Variants in ATP9B observed in about 807,000 individuals in gnomAD.
ATP9B encodes the protein probable phospholipid-transporting ATPase IIB.
A neutral mutation model predicts 146.1 loss-of-function variants in ATP9B; 110 were observed. That is an observed-to-expected ratio of 0.75 (90% CI 0.65 to 0.88). The LOEUF (loss-of-function observed/expected upper bound fraction) is 0.88, where lower values mean the gene tolerates loss of function less well. ATP9B is among the 40% of genes least tolerant of loss of function. ATP9B has a pLI of 0.00. For missense variants in ATP9B, 1,499 were observed against 1,496.4 expected (o/e 1.00, Z -0.03); for synonymous variants, 604 against 569.7 (o/e 1.06, Z -0.86).
intron 15 of ATP9B, among the ~76,000 whole-genome samples, chr18:79,319,981 A>G (rs2146860263): frequency 6.6e-6 from 1 of 152,208 alleles, no homozygotes; most frequent in African/African-American, 2.4e-5. Flanking sequence ...CTCTCTTTAA[A>G]CTCAGAGCCC....
chr18:79,375,366 T>C, intron 28 of ATP9B, 28 bp from the exon 29 acceptor site: 1 of 1,592,602 alleles, frequency 6.3e-7, no homozygotes, highest in Non-Finnish European at 8.6e-7. Context: ...ATCTGTCCTT[T>C]ATTTTCTTTA....
intron 11 of ATP9B, 92 bp downstream of exon 11, chr18:79,214,130 C>A: frequency 1.3e-6 from 1 of 789,474 alleles, no homozygotes; most frequent in Non-Finnish European, 1.9e-6. Context: ...ATTCTTTTGG[C>A]TTAACATATA....
chr18:79,373,972 G>T lies in ATP9B; in HGVS notation c.3145G>T (p.Ala1049Ser). The change falls in exon 28 of 30, where the codon GCA becomes TCA. Residue 1049 changes from alanine to serine, a missense_variant. Coordinates refer to ENST00000426216, the MANE Select transcript of ATP9B (RefSeq NM_198531.5). ...CCACGTGGTGGCCATCTCCTTCACC[G>T]CACTGATCCTGACCGAGCTGCTGAT... ...FVHVVAISFT[A>S]LILTELLMVA... is the part of the protein sequence containing the mutation. 6.2e-7 allele frequency: 1 copy of T among 1,613,992 alleles called. No individual in the cohort carries two copies. The highest frequency in any genetic ancestry group is 8.5e-7 in the Non-Finnish European group (1 of 1,180,022).
chr18:79,259,867 A>G lies in ATP9B; in HGVS notation c.1268+6326A>G, dbSNP rs114102345. Among the ~76,000 whole-genome samples, 956 of 152,344 alleles carry G rather than the reference A, an allele frequency of 6.3e-3. 5 individuals carry two copies. The highest frequency in any genetic ancestry group is 0.021 in the African/African-American group (892 of 41,576). On this transcript the variant is annotated intron_variant, in intron 12 of 29. Coordinates refer to ENST00000426216, the MANE Select transcript of ATP9B (RefSeq NM_198531.5). The stretch of plus-strand genomic sequence containing the variant: ...ACAGGTTTTTGCTAATTTACCAAAC[A>G]TCTTTAGTAAGACCTCATTTTCCAG...
intron 11 of ATP9B, among the ~76,000 whole-genome samples, chr18:79,251,450 G>A (rs1325792930): frequency 6.6e-6 from 1 of 152,174 alleles, no homozygotes; most frequent in Non-Finnish European, 1.5e-5. Context: ...TAGATCACTG[G>A]TGTTCATCTT....
At chr18:79,174,446 G>A (rs2095128513) in intron 7 of ATP9B, among the ~76,000 whole-genome samples, 1 of 152,146 alleles carries the variant, frequency 6.6e-6, no homozygotes, top group Non-Finnish European at 1.5e-5. Context: ...TTAACGCTTG[G>A]TGAGTCTCCT....
intron 7 of ATP9B, among the ~76,000 whole-genome samples, chr18:79,164,281 G>A (rs1005316588): frequency 6.6e-6 from 1 of 152,206 alleles, no homozygotes; most frequent in Admixed American, 6.5e-5. Context: ...TACTTTAATT[G>A]ATAACGCCAA....
intron 26 of ATP9B, 199 bp downstream of exon 26, chr18:79,359,661 T>C (rs778754545): frequency 3.7e-5 from 21 of 561,898 alleles, no homozygotes; most frequent in Non-Finnish European, 5.8e-5. Context: ...GGGAAAAACA[T>C]CTCAGGGAAA....
chr18:79,300,424 T>C (rs1470916410), intron 13 of ATP9B, among the ~76,000 whole-genome samples: 3 of 152,090 alleles, frequency 2.0e-5, no homozygotes, highest in Non-Finnish European at 4.4e-5. Context: ...AAGGTATCCA[T>C]AGGGAGAGGC....
intron 10 of ATP9B, among the ~76,000 whole-genome samples, 181 bp from the exon 11 acceptor site, chr18:79,213,781 G>GATT (rs2095604041): frequency 6.6e-6 from 1 of 152,106 alleles, no homozygotes; most frequent in Admixed American, 6.5e-5. Flanking sequence ...CTTTTTCAAA[G>GATT]TCCATTTTTA....
rs1221814219 is a variant in ATP9B, at chr18:79,373,926, G to A, written c.3099G>A (p.Val1033=). 6 of 1,613,294 alleles carry A rather than the reference G, an allele frequency of 3.7e-6. No individual in the cohort carries two copies. The South Asian group carries it at 5.5e-5, about 15-fold the overall frequency. The change falls in exon 28 of 30, where the codon GTG becomes GTA. Residue 1033 remains valine (V), a synonymous_variant. Coordinates refer to ENST00000426216, the MANE Select transcript of ATP9B (RefSeq NM_198531.5). ...GCATCCTCATGTATGGGGCCCTGGTGCTCTTCGAGTCTGAGTTCGTCCACG... is the reference window on the plus strand; with the variant it reads ...GCATCCTCATGTATGGGGCCCTGGTACTCTTCGAGTCTGAGTTCGTCCACG... ...QGGILMYGAL[V]LFESEFVHVV...
chr18:79,161,775 G>A (rs1165418964), intron 7 of ATP9B, among the ~76,000 whole-genome samples: 1 of 152,202 alleles, frequency 6.6e-6, no homozygotes, highest in Non-Finnish European at 1.5e-5. Context: ...GAACCCGGGA[G>A]GCGGAGCTTG....
chr18:79,158,305 G>A (rs1444855196), intron 7 of ATP9B, among the ~76,000 whole-genome samples: 1 of 151,790 alleles, frequency 6.6e-6, no homozygotes, highest in Admixed American at 6.6e-5. Flanking sequence ...ACAGGGTCTT[G>A]CTTTGTTACC....
intron 11 of ATP9B, among the ~76,000 whole-genome samples, chr18:79,219,676 C>G (rs1473376473): frequency 6.6e-6 from 1 of 152,130 alleles, no homozygotes; most frequent in African/African-American, 2.4e-5. Flanking sequence ...TTTCTTTCTC[C>G]TCCCTCTCCT....
intron 15 of ATP9B, among the ~76,000 whole-genome samples, chr18:79,323,993 C>A (rs950594015): frequency 6.6e-6 from 1 of 152,210 alleles, no homozygotes; most frequent in Non-Finnish European, 1.5e-5. Flanking sequence ...GCCGTTTTAA[C>A]TGGGGTGAGG....
chr18:79,336,287 T>C (rs2096826557), intron 17 of ATP9B, among the ~76,000 whole-genome samples: 1 of 152,208 alleles, frequency 6.6e-6, no homozygotes, highest in South Asian at 2.1e-4. Context: ...TGTTTAAGGA[T>C]TCAGGGTATG....
intron 13 of ATP9B, among the ~76,000 whole-genome samples, chr18:79,283,756 G>A (rs1250725009): frequency 4.6e-5 from 7 of 152,174 alleles, no homozygotes; most frequent in African/African-American, 1.2e-4. Flanking sequence ...ACTCGACGCC[G>A]GCTGATAAAT....
intron 11 of ATP9B, among the ~76,000 whole-genome samples, chr18:79,252,097 G>A (rs1486375618): frequency 2.0e-5 from 3 of 152,220 alleles, no homozygotes; most frequent in Non-Finnish European, 4.4e-5. Flanking sequence ...GTTTAAGGGT[G>A]TTCCTCAAGT....
At chr18:79,370,363 G>A (rs545580267) in intron 26 of ATP9B, among the ~76,000 whole-genome samples, 8 of 152,262 alleles carry the variant, frequency 5.3e-5, no homozygotes, top group Admixed American at 3.9e-4. Context: ...GCCCAAGAAC[G>A]CAGAAGAAAG....
Sources: allele counts gnomAD v4.1 joint callset (sites outside exome capture counted in the v4.1 genomes callset), GRCh38; gene constraint gnomAD v4.1.1; transcripts MANE v1.5; gene names NCBI Gene and HGNC (gene_info 2026-07-23, HGNC 2026-07-21).